The following GBE1 variants were observed in gnomAD, a reference collection of about 807,000 sequenced individuals.
GBE1 encodes 1,4-alpha-glucan branching enzyme 1.
A neutral mutation model predicts 88.8 loss-of-function variants in GBE1; 70 were observed. The observed-to-expected ratio is 0.79, with a 90% CI of 0.65 to 0.96. The LOEUF is 0.96. Among genes scored for constraint, GBE1 ranks in the 40% least tolerant of loss-of-function variants. GBE1 has a pLI of 0.00. For synonymous variants in GBE1, 284 were observed against 300.1 expected, an observed-to-expected ratio of 0.95 and a Z score of 0.56; for missense variants, 872 against 871.0, an observed-to-expected ratio of 1.00 and a Z score of -0.01.
intron 13 of GBE1, 94 bp from the exon 14 acceptor site, chr3:81,535,419 A>C: frequency 8.4e-7 from 1 of 1,195,032 alleles, no homozygotes; most frequent in Non-Finnish European, 1.2e-6. Flanking sequence ...CTGGTTATTA[A>C]ACCAAAAATG....
intron 12 of GBE1, among the ~76,000 whole-genome samples, chr3:81,539,009 T>C (rs1360068154): frequency 6.6e-6 from 1 of 152,052 alleles, no homozygotes; most frequent in Non-Finnish European, 1.5e-5. Flanking sequence ...TTAATTTCTG[T>C]TTATTATGTG....
At chr3:81,757,950 T>G (rs1007344795) in intron 1 of GBE1, among the ~76,000 whole-genome samples, 1 of 152,024 alleles carries the variant, frequency 6.6e-6, no homozygotes, top group Non-Finnish European at 1.5e-5. Context: ...TTACATTAAA[T>G]GGTCAAAAAG....
intron 5 of GBE1, among the ~76,000 whole-genome samples, chr3:81,646,876 C>T (rs890102160): frequency 2.0e-5 from 3 of 151,520 alleles, no homozygotes; most frequent in African/African-American, 7.3e-5. Flanking sequence ...TATTTTGACT[C>T]TATGTATTTC....
chr3:81,637,526 A>T (rs1704608160), intron 7 of GBE1, among the ~76,000 whole-genome samples: 1 of 152,086 alleles, frequency 6.6e-6, no homozygotes, highest in South Asian at 2.1e-4. Flanking sequence ...TGTATCTCTA[A>T]CTTTACCAAA....
intron 2 of GBE1, 41 bp from the exon 3 acceptor site, chr3:81,670,994 G>T (rs1402482786): frequency 4.6e-6 from 4 of 861,300 alleles, no homozygotes; most frequent in Non-Finnish European, 7.0e-6. Context: ...AGCATGATAG[G>T]ACTAATAGTT....
chr3:81,702,102 AGTGTGTGTGTGTGTGTGTGTGT>A lies in GBE1; in HGVS notation c.313+3320_313+3341del, dbSNP rs571028865. ...TCCCTGGAGAGAGAGAGAGAGAGAG[AGTGTGTGTGTGTGTGTGTGTGT>A]GTGTGTGTGTGTGTGTGTGTGTGTG... On this transcript the variant is annotated intron_variant, in intron 2 of 15. Transcript: ENST00000429644. Among the ~76,000 whole-genome samples, 27 of 115,472 alleles carry A rather than the reference AGTGTGTGTGTGTGTGTGTGTGT, an allele frequency of 2.3e-4. 1 individual carries two copies. The East Asian group carries it at 4.5e-3, about 19-fold the overall frequency. 75.8% of individuals were successfully genotyped at this position (115,472 alleles called of 152,430 possible).
intron 3 of GBE1, among the ~76,000 whole-genome samples, chr3:81,664,004 G>A (rs1705071946): frequency 6.6e-6 from 1 of 151,742 alleles, no homozygotes; most frequent in African/African-American, 2.4e-5. Flanking sequence ...TCATAAAAAG[G>A]GGCTGTGCAT....
rs1575782168 is a variant in GBE1 at position 81,761,471 on chromosome 3, G to C, written c.47C>G (p.Ala16Gly). The C allele has an allele frequency of 6.2e-7, 1 of 1,613,046 alleles. No individual in the cohort carries two copies. Among genetic ancestry groups the C allele is most frequent in the Non-Finnish European group, 8.5e-7 (1 of 1,179,636 alleles). The part of the protein sequence containing the change: ...TPAARPEDYE[A>G]ALNAALADVP... ...GTCAGCCAGGGCGGCATTGAGCGCC[G>C]CCTCGTAGTCCTCGGGCCGAGCCGC... Residue 16 changes from alanine to glycine, a missense_variant, in exon 1 of 16, where the codon GCG (alanine) becomes GGG (glycine). Coordinates refer to ENST00000429644, the MANE Select transcript of GBE1 (RefSeq NM_000158.4).
In GBE1 at chr3:81,617,204, T is replaced by C. The variant is rs571883725; in HGVS notation, c.993-23181A>G. On this transcript the variant is annotated intron_variant, in intron 7 of 15. Transcript: ENST00000429644. ...TTATTTATCCATTCTGATCTCTATG[T>C]CTTATTTTCTTTTCTTTTTATTTAT... Among the ~76,000 whole-genome samples, 24 of 152,058 alleles carry C rather than the reference T, an allele frequency of 1.6e-4. No homozygotes were observed. The South Asian group carries it at 4.8e-3, about 30-fold the overall frequency.
chr3:81,749,514 G>C (rs1706466151), intron 1 of GBE1, among the ~76,000 whole-genome samples: 1 of 152,216 alleles, frequency 6.6e-6, no homozygotes, highest in Non-Finnish European at 1.5e-5. Context: ...TTCCTTCGTA[G>C]TGATGTAACA....
At chr3:81,752,377 T>C (rs938209788) in intron 1 of GBE1, among the ~76,000 whole-genome samples, 1 of 152,068 alleles carries the variant, frequency 6.6e-6, no homozygotes, top group Non-Finnish European at 1.5e-5. Flanking sequence ...CTGCTATTAG[T>C]AAACTCAGTA....
intron 12 of GBE1, among the ~76,000 whole-genome samples, chr3:81,553,688 G>GAA (rs58928162): frequency 2.2e-5 from 3 of 133,536 alleles, no homozygotes; most frequent in Non-Finnish European, 4.9e-5. Context: ...AGAGCCATAA[G>GAA]AAAAAAAAAA....
chr3:81,495,281 C>T (rs1055179116), intron 15 of GBE1, among the ~76,000 whole-genome samples: 12 of 152,130 alleles, frequency 7.9e-5, no homozygotes, highest in Admixed American at 1.3e-4. Flanking sequence ...CCCAGCTATT[C>T]GGGAGGCTGA....
At chr3:81,518,742 A>G (rs1338339325) in intron 14 of GBE1, among the ~76,000 whole-genome samples, 1 of 151,562 alleles carries the variant, frequency 6.6e-6, no homozygotes, top group Non-Finnish European at 1.5e-5. Flanking sequence ...TTATAAAGCT[A>G]TTTTAAAAAA....
intron 1 of GBE1, among the ~76,000 whole-genome samples, chr3:81,732,478 C>T (rs529495045): frequency 1.1e-4 from 17 of 152,182 alleles, no homozygotes; most frequent in African/African-American, 3.6e-4. Flanking sequence ...AATGATAACC[C>T]GGGCCCAGGT....
At chr3:81,730,999 T>C (rs1359620245) in intron 1 of GBE1, among the ~76,000 whole-genome samples, 3 of 152,172 alleles carry the variant, frequency 2.0e-5, no homozygotes, top group Admixed American at 6.5e-5. Flanking sequence ...TGATGGGACT[T>C]TGTGGATTAC....
At chr3:81,639,605 C>G (rs1454260588) in intron 7 of GBE1, among the ~76,000 whole-genome samples, 1 of 152,106 alleles carries the variant, frequency 6.6e-6, no homozygotes, top group African/African-American at 2.4e-5. Context: ...AACAAGTTTT[C>G]AAGTTTTCTT....
chr3:81,663,018 T>C (rs1437745453), intron 3 of GBE1, among the ~76,000 whole-genome samples: 1 of 152,172 alleles, frequency 6.6e-6, no homozygotes, highest in African/African-American at 2.4e-5. Context: ...ATTATCTACA[T>C]AGTCACAAAG....
chr3:81,675,361 G>A (rs930305643), intron 2 of GBE1, among the ~76,000 whole-genome samples: 5 of 152,034 alleles, frequency 3.3e-5, no homozygotes, highest in African/African-American at 1.2e-4. Flanking sequence ...GACTGGGGTT[G>A]TAAAGCCCAG....
Sources: allele counts gnomAD v4.1 joint callset (sites outside exome capture counted in the v4.1 genomes callset), GRCh38; gene constraint gnomAD v4.1.1; transcripts MANE v1.5; gene names NCBI Gene and HGNC (gene_info 2026-07-23, HGNC 2026-07-21).